The following CDS2 variants were observed in gnomAD, a reference collection of about 807,000 sequenced individuals.
The protein encoded by CDS2 is phosphatidate cytidylyltransferase 2.
In CDS2, 47 loss-of-function variants were observed where a neutral mutation model predicts 59.0. That is an observed-to-expected ratio of 0.80 (90% confidence interval 0.63 to 1.02). CDS2 has a LOEUF of 1.02. Among genes scored for constraint, CDS2 ranks in the 50% least tolerant of loss-of-function variants. The pLI, the probability that CDS2 is intolerant of heterozygous loss-of-function variation, is 0.00. For synonymous variants in CDS2, 207 were observed against 206.4 expected (o/e 1.00, Z -0.02); for missense variants, 356 against 558.9 (o/e 0.64, Z 3.66).
chr20:5,181,956 C>T (rs6053179), intron 5 of CDS2, among the ~76,000 whole-genome samples: 86 of 152,306 alleles, frequency 5.6e-4, no homozygotes, highest in African/African-American at 1.8e-3. Context: ...ACGAGAACCT[C>T]GTTGTTCAGA....
intron 1 of CDS2, among the ~76,000 whole-genome samples, chr20:5,148,039 A>G (rs773962304): frequency 1.3e-5 from 2 of 152,052 alleles, no homozygotes; most frequent in African/African-American, 2.4e-5. Flanking sequence ...GCTCACTGCA[A>G]CCTCTAAGAG....
intron 3 of CDS2, 42 bp from the exon 4 acceptor site, chr20:5,176,606 T>C: frequency 2.0e-6 from 3 of 1,503,010 alleles, no homozygotes; most frequent in Non-Finnish European, 2.8e-6. Context: ...TTTCCAAAAA[T>C]CATAAGAATT....
chr20:5,133,054 C>G (rs560268884), intron 1 of CDS2, among the ~76,000 whole-genome samples: 7 of 151,860 alleles, frequency 4.6e-5, no homozygotes, highest in South Asian at 2.1e-4. Context: ...GCCCGTAGTC[C>G]CAGCTACTCA....
At chr20:5,180,274 A>G (rs1339189971) in intron 5 of CDS2, among the ~76,000 whole-genome samples, 3 of 151,580 alleles carry the variant, frequency 2.0e-5, no homozygotes, top group South Asian at 2.1e-4. Context: ...TCCCAGCCCT[A>G]TGAATACTAG....
At chr20:5,132,334 G>A (rs2090614190) in intron 1 of CDS2, among the ~76,000 whole-genome samples, 1 of 152,110 alleles carries the variant, frequency 6.6e-6, no homozygotes, top group African/African-American at 2.4e-5. Flanking sequence ...CTGACCTCAG[G>A]TGATCCACCC....
intron 2 of CDS2, among the ~76,000 whole-genome samples, chr20:5,174,521 G>A (rs1010904832): frequency 5.9e-5 from 9 of 152,130 alleles, no homozygotes; most frequent in Admixed American, 2.6e-4. Context: ...TGGATCAGGA[G>A]GTCAGGAGAT....
intron 9 of CDS2, among the ~76,000 whole-genome samples, chr20:5,186,091 G>A (rs935376544): frequency 6.6e-6 from 1 of 152,222 alleles, no homozygotes; most frequent in Admixed American, 6.5e-5. Context: ...GGCATTTGAT[G>A]TTCCAAGGTC....
At chr20:5,183,179 G>T in intron 7 of CDS2, 36 bp downstream of exon 7, 1 of 1,577,978 alleles carries the variant, frequency 6.3e-7, no homozygotes, top group Non-Finnish European at 8.7e-7. Context: ...CTTTTATTTT[G>T]TGAGTGTTTC....
chr20:5,195,995 T>G lies in CDS2; in HGVS notation c.*5761T>G, dbSNP rs1446008721. 6.6e-6 allele frequency: 1 copy of G among 152,142 alleles called. No individual in the cohort carries two copies. The highest frequency in any genetic ancestry group is 1.5e-5 in the Non-Finnish European group (1 of 68,032). 9.4% of individuals were successfully genotyped at this position (152,142 alleles called of 1,614,324 possible). Reference sequence around the variant, plus strand: ...TGTGTAAGGGGAGGCTGCCTCACTTTGAAGGAATGGTGTTGGCTAACAGGA... The same window carrying G: ...TGTGTAAGGGGAGGCTGCCTCACTTGGAAGGAATGGTGTTGGCTAACAGGA... On this transcript the variant is annotated 3_prime_UTR_variant, in exon 13 of 13. Transcript: ENST00000460006.
chr20:5,144,977 C>CTAG (rs1261454921), intron 1 of CDS2, among the ~76,000 whole-genome samples: 1 of 152,120 alleles, frequency 6.6e-6, no homozygotes, highest in Non-Finnish European at 1.5e-5. Context: ...CTTCTTAGGT[C>CTAG]TAGTGACTGT....
In CDS2 at chr20:5,195,206, A is replaced by G. The variant is rs1307943231; in HGVS notation, c.*4972A>G. 3.3e-5 allele frequency: 5 copies of G among 152,162 alleles called. No individual in the cohort carries two copies. The highest frequency in any genetic ancestry group is 3.3e-4 in the Admixed American group (5 of 15,264). 9.4% of individuals were successfully genotyped at this position (152,162 alleles called of 1,614,324 possible). On this transcript the variant is annotated 3_prime_UTR_variant, in exon 13 of 13. Coordinates refer to ENST00000460006, the MANE Select transcript of CDS2 (RefSeq NM_003818.4). The stretch of plus-strand genomic sequence containing the variant: ...ACATAGTAAGCACTCAATAAATGGT[A>G]GTTACTTTTGTTGAGCTCAGCTGGT...
rs6038083 is a variant in CDS2, at chr20:5,183,151, T to A, written c.671+8T>A. The stretch of plus-strand genomic sequence containing the variant: ...ATTTGAAGGAATGATCTGGTGAGAA[T>A]TGGGAGTTGGATTTTCCCTTTTATT... On this transcript the variant is annotated splice_region_variant and intron_variant, in intron 7 of 12. Coordinates refer to ENST00000460006, the MANE Select transcript of CDS2 (RefSeq NM_003818.4). The A allele has an allele frequency of 1.8e-3, 2,832 of 1,611,552 alleles. 48 individuals are homozygous for A. The African/African-American group carries it at 0.029, about 16-fold the overall frequency.
chr20:5,141,590 A>G (rs904835284), intron 1 of CDS2, among the ~76,000 whole-genome samples: 68 of 152,116 alleles, frequency 4.5e-4, no homozygotes, highest in African/African-American at 1.6e-3. Flanking sequence ...ATATGCAAAT[A>G]TTGTATATTT....
chr20:5,188,055 C>CGTGTGTGTGTGTGTGT (rs71332879), intron 10 of CDS2, among the ~76,000 whole-genome samples: 58 of 148,896 alleles, frequency 3.9e-4, no homozygotes, highest in African/African-American at 1.4e-3. Flanking sequence ...TCTTAACGTA[C>CGTGTGTGTGTGTGTGT]GTGTGTGTGT....
At chr20:5,183,979 A>C (rs913737289) in intron 7 of CDS2, among the ~76,000 whole-genome samples, 3 of 152,134 alleles carry the variant, frequency 2.0e-5, no homozygotes, top group African/African-American at 7.2e-5. Flanking sequence ...AACATAGTGA[A>C]ATCCCCGTCT....
chr20:5,175,036 G>T (rs894474947), intron 2 of CDS2, 147 bp from the exon 3 acceptor site: 3 of 641,354 alleles, frequency 4.7e-6, no homozygotes, highest in Non-Finnish European at 8.4e-6. Flanking sequence ...CTGCCAGCAT[G>T]TGGCTGGTGC....
intron 10 of CDS2, chr20:5,187,106 T>TG (rs11293483): frequency 9.4e-5 from 15 of 158,924 alleles, no homozygotes; most frequent in South Asian, 2.2e-4. Context: ...GGGGGTAGGG[T>TG]GGGGGGGTCT....
chr20:5,175,826 C>T (rs1195683206), intron 3 of CDS2, among the ~76,000 whole-genome samples: 1 of 152,072 alleles, frequency 6.6e-6, no homozygotes, highest in Non-Finnish European at 1.5e-5. Context: ...TTTATTATTC[C>T]AACTCTGTAA....
At chr20:5,188,260 G>T (rs2091085196) in intron 10 of CDS2, among the ~76,000 whole-genome samples, 1 of 152,182 alleles carries the variant, frequency 6.6e-6, no homozygotes, top group African/African-American at 2.4e-5. Context: ...GGATTTTAAT[G>T]TAAGAGAGAA....
Sources: gnomAD v4.1 joint callset for allele counts (sites outside exome capture counted in the v4.1 genomes callset) on GRCh38, gnomAD v4.1.1 for gene constraint, MANE v1.5 for transcripts, NCBI Gene and HGNC (gene_info 2026-07-23, HGNC 2026-07-21) for gene names.